Variants in ABCA2 observed in about 807,000 individuals in gnomAD.
The protein encoded by ABCA2 is ATP binding cassette subfamily A member 2, also known as ATP-binding cassette sub-family A member 2.
ABCA2 carries 84 observed loss-of-function variants against 262.8 expected under a neutral mutation model. The ratio of observed to expected loss-of-function variants is 0.32; its 90% CI spans 0.27 to 0.38. The LOEUF is 0.38. ABCA2 is among the 10% of genes least tolerant of loss of function. The probability of loss-of-function intolerance (pLI) is 1.00; values close to 1 mark genes in which losing one functional copy is unlikely to be tolerated. For synonymous variants in ABCA2, 1,696 were observed against 1,502.9 expected (o/e 1.13, Z -2.97); for missense variants, 2,662 against 3,405.9 (o/e 0.78, Z 5.44).
chr9:137,023,265 T>C, intron 3 of ABCA2: 2 of 632,190 alleles, frequency 3.2e-6, no homozygotes, highest in South Asian at 1.8e-5. Context: ...AGGTCAGAGG[T>C]CAAAGAGCCA....
At position 137,019,096 on chromosome 9, in the gene ABCA2, G is replaced by A; in HGVS notation, c.1555-26C>T. On this transcript the variant is annotated intron_variant, in intron 11 of 48. Coordinates refer to ENST00000341511, the MANE Select transcript of ABCA2 (RefSeq NM_001606.5). The surrounding 1 kb of genome is among the most constrained non-coding windows in gnomAD (Gnocchi z 4.4). Reference sequence around the variant, plus strand: ...CTTGGGGTGGAGGGGCGGCTCAGAGGGGGACCTGCGCCTGCCGAGCCGGGC... The same window carrying A: ...CTTGGGGTGGAGGGGCGGCTCAGAGAGGGACCTGCGCCTGCCGAGCCGGGC... The A allele has an allele frequency of 1.9e-6, 3 of 1,603,710 alleles. No individual in the cohort carries two copies. The highest frequency in any genetic ancestry group is 2.6e-6 in the Non-Finnish European group (3 of 1,173,640).
intron 3 of ABCA2, chr9:137,023,596 G>A: frequency 1.4e-6 from 1 of 736,616 alleles, no homozygotes; most frequent in East Asian, 2.5e-5. Context: ...GCCAGGCAGA[G>A]AGATGCCGCC....
intron 13 of ABCA2, 98 bp downstream of exon 13, chr9:137,018,621 G>A (rs1162817540): frequency 2.1e-5 from 22 of 1,032,856 alleles, no homozygotes; most frequent in African/African-American, 5.6e-5. Context: ...AGGCCAGGGC[G>A]CGGCCAAGGA....
In ABCA2 at chr9:137,009,026, C is replaced by T. The variant is rs199664844; in HGVS notation, c.6855G>A (p.Val2285=). ...NRFGDGYMIT[V]RTKSSQSVKD... is the part of the protein sequence containing the mutation. ...TCACACTCTGGCTGCTCTTGGTCCG[C>T]ACCGTGATCATGTAGCCATCTCCAA... Residue 2285 remains valine, a synonymous_variant, in exon 46 of 49, where the codon GTG becomes GTA. Coordinates refer to ENST00000341511, the MANE Select transcript of ABCA2 (RefSeq NM_001606.5). 2.9e-5 allele frequency: 47 copies of T among 1,608,556 alleles called. No individual in the cohort carries two copies. The highest frequency in any genetic ancestry group is 6.7e-5 in the Admixed American group (4 of 59,974).
chr9:137,020,217 C>G, intron 10 of ABCA2, 119 bp downstream of exon 10: 1 of 1,380,418 alleles, frequency 7.2e-7, no homozygotes, highest in East Asian at 2.4e-5. Context: ...CCATCCGAAG[C>G]TGCACCCCGT....
At chr9:137,024,073 G>A in intron 2 of ABCA2, 70 bp downstream of exon 2, 1 of 1,533,232 alleles carries the variant, frequency 6.5e-7, no homozygotes. Context: ...GTGCAGATGT[G>A]CACACACAGC....
At chr9:137,023,552 C>T in intron 3 of ABCA2, 1 of 741,124 alleles carries the variant, frequency 1.3e-6, no homozygotes, top group South Asian at 1.4e-5. Context: ...AGACTCAGCC[C>T]AGAAGCCGAG....
In ABCA2 at chr9:137,012,769, G is replaced by C. The variant is rs1831106906; in HGVS notation, c.5024C>G (p.Thr1675Ser). Residue 1675 changes from threonine to serine, a missense_variant, in exon 31 of 49, where the codon ACC becomes AGC. Physicochemically the swap from Thr to Ser is moderately conservative, Grantham distance 58. Around this residue, in one of 12 missense-constraint regions of ABCA2, gnomAD observed 602 missense variants for 897.4 expected, o/e 0.67. Coordinates refer to ENST00000341511, the MANE Select transcript of ABCA2 (RefSeq NM_001606.5). ...VVTGDILTDI[T>S]GHNVSEYLLF... is the part of the protein sequence containing the mutation. ...CAGGTACTCAGAGACATTGTGGCCG[G>C]TGATGTCGGTCAGGATGTCGCCTGT... 1 of 1,612,710 alleles carries C rather than the reference G, an allele frequency of 6.2e-7. No homozygotes were observed. The highest frequency in any genetic ancestry group is 8.5e-7 in the Non-Finnish European group (1 of 1,179,916).
In ABCA2 at chr9:137,011,062, G is replaced by A; in HGVS notation, c.5967C>T (p.Val1989=). 1.2e-6 allele frequency: 2 copies of A among 1,612,048 alleles called. No homozygotes were observed. Among genetic ancestry groups the A allele is most frequent in the Non-Finnish European group, 1.7e-6 (2 of 1,179,746 alleles). The change falls in exon 39 of 49, where the codon GTC becomes GTT. Residue 1989 remains valine, a synonymous_variant. Coordinates refer to ENST00000341511, the MANE Select transcript of ABCA2 (RefSeq NM_001606.5). This position sits in a 1 kb window ranked among gnomAD's most constrained non-coding sequence, Gnocchi z 8.8. Reference sequence around the variant, plus strand: ...CCGCCATGGCCACCAGTCCGCGGGTGACAATGTCCCACTCGAACGGGGACT... The same window carrying A: ...CCGCCATGGCCACCAGTCCGCGGGTAACAATGTCCCACTCGAACGGGGACT... ...KMKSPFEWDI[V]TRGLVAMAVE... is the part of the protein sequence containing the mutation.
In ABCA2 at chr9:137,008,912, C is replaced by G. The variant is rs368283479; in HGVS notation, c.6930+39G>C. The G allele has an allele frequency of 6.5e-5, 104 of 1,588,106 alleles. 1 individual carries two copies. Reference sequence around the variant, plus strand: ...GAGGCCTGGCAGCGCCCCCCCACCCCGTAGCGCCCCCTCCACAACCCTGCC... The same window carrying G: ...GAGGCCTGGCAGCGCCCCCCCACCCGGTAGCGCCCCCTCCACAACCCTGCC... On this transcript the variant is annotated intron_variant, in intron 46 of 48. Transcript: ENST00000341511.
At chr9:137,020,226 G>A (rs1378938722) in intron 10 of ABCA2, 110 bp downstream of exon 10, 61 of 1,466,628 alleles carry the variant, frequency 4.2e-5, no homozygotes, top group Admixed American at 5.3e-5. Context: ...GCTGCACCCC[G>A]TACCCCTCCC....
Position 137,018,214 on chromosome 9 carries a change from G to T in ABCA2, c.1957C>A (p.Arg653Ser). The T allele has an allele frequency of 6.2e-7, 1 of 1,611,608 alleles. No homozygotes were observed. The highest frequency in any genetic ancestry group is 8.5e-7 in the Non-Finnish European group (1 of 1,179,772). ...ACGAAGCCGTAGAGGAAGTAGAAGC[G>T]GCCGCCAGTATTGGGCCCAGGCCGC... The part of the protein sequence containing the change: ...YWRPGPNTGG[R>S]FYFLYGFVWI... Residue 653 changes from arginine to serine, a missense_variant, in exon 14 of 49, where the codon CGC (arginine) becomes AGC (serine). By Grantham distance (110) the Arg-to-Ser change is moderately radical. Coordinates refer to ENST00000341511, the MANE Select transcript of ABCA2 (RefSeq NM_001606.5).
chr9:137,010,558 GCCCCACCCCCCTGGCCCTGGCCTA>G, intron 40 of ABCA2, 38 bp downstream of exon 40: 1 of 1,581,774 alleles, frequency 6.3e-7, no homozygotes, highest in Non-Finnish European at 8.7e-7. Context: ...CACTGCTGGG[GCCCCACCCCCCTGGCCCTGGCCTA>G]CCCCACCCAG....
At chr9:137,016,843 G>A (rs1831275924) in intron 19 of ABCA2, 77 bp downstream of exon 19, 19 of 1,577,076 alleles carry the variant, frequency 1.2e-5, no homozygotes, top group Non-Finnish European at 1.6e-5. Flanking sequence ...GCATCCAGGA[G>A]TGGACACAGA....
At position 137,011,166 on chromosome 9, in the gene ABCA2, C is replaced by G. The variant is rs201130567; in HGVS notation, c.5923+20G>C. On this transcript the variant is annotated intron_variant, in intron 38 of 48. Coordinates refer to ENST00000341511, the MANE Select transcript of ABCA2 (RefSeq NM_001606.5). The surrounding 1 kb of genome is among the most constrained non-coding windows in gnomAD (Gnocchi z 8.8). ...CTTGCGGGGCCCCCACCGCCTTCCC[C>G]GCCCCACGGGCCCCCTCACCAATCT... The G allele has an allele frequency of 2.5e-6, 4 of 1,612,364 alleles. No individual in the cohort carries two copies. The East Asian group carries it at 8.9e-5, about 36-fold the overall frequency.
chr9:137,014,248 C>T lies in ABCA2; in HGVS notation c.4160G>A (p.Gly1387Glu), dbSNP rs770169933. ...GCCATAGACGTCGGTGTAGCCAGCTCCCTCGTCGCCACGGGCAGAGCCCAC... is the reference window on the plus strand; with the variant it reads ...GCCATAGACGTCGGTGTAGCCAGCTTCCTCGTCGCCACGGGCAGAGCCCAC... ...SSVGSARGDE[G>E]AGYTDVYGDY... Residue 1387 changes from glycine to glutamate, a missense_variant, in exon 27 of 49, where the codon GGA (glycine) becomes GAA (glutamate). Coordinates refer to ENST00000341511, the MANE Select transcript of ABCA2 (RefSeq NM_001606.5). 15 of 1,610,692 alleles carry T rather than the reference C, an allele frequency of 9.3e-6. No individual in the cohort carries two copies. The Middle Eastern group carries it at 5.0e-4, about 53-fold the overall frequency.
intron 26 of ABCA2, 121 bp from the exon 27 acceptor site, chr9:137,014,525 C>A: frequency 7.0e-7 from 1 of 1,437,186 alleles, no homozygotes. Flanking sequence ...GGACCTCTGG[C>A]CACCAGGACC....
At chr9:137,017,923 G>T in intron 15 of ABCA2, 22 bp from the exon 16 acceptor site, 1 of 1,612,198 alleles carries the variant, frequency 6.2e-7, no homozygotes, top group Admixed American at 1.7e-5. Flanking sequence ...CCGCGCTCAG[G>T]CGCCACTCAG....
intron 3 of ABCA2, chr9:137,023,374 T>A: frequency 1.4e-6 from 1 of 706,432 alleles, no homozygotes; most frequent in Non-Finnish European, 2.6e-6. Flanking sequence ...ACGTTTCAGG[T>A]GTGGCACTGC....
Sources: gnomAD v4.1 joint callset for allele counts on GRCh38, gnomAD v4.1.1 for gene constraint, gnomAD v4.1.1 regional missense constraint, Gnocchi (gnomAD v3.1) non-coding constraint, MANE v1.5 for transcripts, NCBI Gene and HGNC (gene_info 2026-07-23, HGNC 2026-07-21) for gene names.